Variants in HDAC4 observed in about 807,000 individuals in gnomAD.
HDAC4 encodes the protein histone deacetylase 4, also known as histone deacetylase A.
A neutral mutation model predicts 135.1 loss-of-function variants in HDAC4; 16 were observed. The ratio of observed to expected loss-of-function variants is 0.12; its 90% CI spans 0.08 to 0.18. The LOEUF is 0.18. Ranked by LOEUF, HDAC4 falls within the 10% of genes least tolerant of loss-of-function variation. HDAC4 has a pLI of 1.00. For synonymous variants in HDAC4, 685 were observed against 653.4 expected, an observed-to-expected ratio of 1.05 and a Z score of -0.74; for missense variants, 1,143 against 1,511.8, an observed-to-expected ratio of 0.76 and a Z score of 4.05.
chr2:239,181,376 C>A (rs567634525), intron 4 of HDAC4, among the ~76,000 whole-genome samples: 2 of 152,354 alleles, frequency 1.3e-5, no homozygotes, highest in African/African-American at 4.8e-5. Flanking sequence ...GATGTGTGGG[C>A]ACAGGCAAGG....
rs529905951 is a variant in HDAC4 at position 239,238,227 on chromosome 2, C to T, written c.23-1563G>A. On this transcript the variant is annotated intron_variant, in intron 2 of 26. Transcript: ENST00000543185. ...CCCTAAAAATAAATATATTTGTATT[C>T]ATTTTTATAATAAATAAAAATAAAT... 2.8e-4 allele frequency among the ~76,000 whole-genome samples: 43 copies of T among 152,060 alleles called. 2 individuals carry two copies. The South Asian group carries it at 8.9e-3, about 32-fold the overall frequency.
At chr2:239,208,064 T>C (rs1005404136) in intron 3 of HDAC4, among the ~76,000 whole-genome samples, 1 of 151,898 alleles carries the variant, frequency 6.6e-6, no homozygotes, top group African/African-American at 2.4e-5. Context: ...GGCTCACGCC[T>C]GTAATCCCAG....
intron 2 of HDAC4, among the ~76,000 whole-genome samples, chr2:239,345,883 C>T (rs571574991): frequency 1.3e-5 from 2 of 150,206 alleles, no homozygotes; most frequent in South Asian, 2.2e-4. Flanking sequence ...CACATACACA[C>T]CGTCTAAAAC....
intron 5 of HDAC4, among the ~76,000 whole-genome samples, chr2:239,169,628 C>G (rs3791526): frequency 1.3e-5 from 2 of 152,162 alleles, no homozygotes; most frequent in Non-Finnish European, 1.5e-5. Flanking sequence ...CACTGCCAGC[C>G]GGGTTCCACT....
intron 2 of HDAC4, among the ~76,000 whole-genome samples, chr2:239,270,072 G>A (rs1436130224): frequency 6.6e-6 from 1 of 152,182 alleles, no homozygotes; most frequent in Admixed American, 6.5e-5. Context: ...AGGTCCCAGA[G>A]CCTACTCTCT....
intron 2 of HDAC4, among the ~76,000 whole-genome samples, chr2:239,317,454 A>C (rs191948603): frequency 6.6e-6 from 1 of 152,080 alleles, no homozygotes; most frequent in Non-Finnish European, 1.5e-5. Context: ...GGACAGGGTA[A>C]GTACAGGCGA....
intron 2 of HDAC4, among the ~76,000 whole-genome samples, chr2:239,248,672 C>T (rs1211317536): frequency 6.6e-6 from 1 of 152,168 alleles, no homozygotes; most frequent in Admixed American, 6.5e-5. Flanking sequence ...GGGTTTCATT[C>T]ACAGAAGTAG....
intron 15 of HDAC4, among the ~76,000 whole-genome samples, chr2:239,105,691 T>C (rs1046573011): frequency 1.3e-5 from 2 of 152,164 alleles, no homozygotes; most frequent in Non-Finnish European, 2.9e-5. Flanking sequence ...GGCCCTGCCC[T>C]CGGGCCTGGG....
intron 1 of HDAC4, among the ~76,000 whole-genome samples, chr2:239,393,290 A>G (rs2126114572): frequency 6.6e-6 from 1 of 152,346 alleles, no homozygotes; most frequent in Non-Finnish European, 1.5e-5. Context: ...TGCCTCCACA[A>G]AGTTAGAACA....
At chr2:239,075,664 G>C (rs1454183070) in intron 22 of HDAC4, among the ~76,000 whole-genome samples, 1 of 152,226 alleles carries the variant, frequency 6.6e-6, no homozygotes, top group Non-Finnish European at 1.5e-5. Flanking sequence ...GAAGCCGTGG[G>C]GTGCCACGCA....
intron 2 of HDAC4, among the ~76,000 whole-genome samples, chr2:239,344,748 C>T (rs1692505938): frequency 6.6e-6 from 1 of 152,178 alleles, no homozygotes. Context: ...TTTTTGAAAC[C>T]TTGCCTTTAG....
At chr2:239,394,445 G>A (rs924966841) in intron 1 of HDAC4, among the ~76,000 whole-genome samples, 5 of 152,204 alleles carry the variant, frequency 3.3e-5, no homozygotes, top group African/African-American at 7.2e-5. Context: ...CTCCTCACAC[G>A]CCGGGGCCCT....
upstream of HDAC4, chr2:239,401,154 G>C (rs572744205): frequency 6.6e-6 from 1 of 152,016 alleles, no homozygotes; most frequent in South Asian, 2.1e-4. Context: ...GGTTTCTAAT[G>C]AAGAGCTCGT....
At chr2:239,379,837 GA>G (rs1310699364) in intron 1 of HDAC4, among the ~76,000 whole-genome samples, 1 of 152,234 alleles carries the variant, frequency 6.6e-6, no homozygotes, top group Non-Finnish European at 1.5e-5. Context: ...AGGGTCACAG[GA>G]AACAAAGGAC....
chr2:239,197,557 T>A (rs939143924), intron 3 of HDAC4, among the ~76,000 whole-genome samples: 17 of 152,182 alleles, frequency 1.1e-4, no homozygotes, highest in Middle Eastern at 3.2e-3. Context: ...CTTCTACCCC[T>A]TGAGTAGGAG....
chr2:239,220,279 C>T (rs577181513), intron 3 of HDAC4, among the ~76,000 whole-genome samples: 2 of 152,228 alleles, frequency 1.3e-5, no homozygotes, highest in African/African-American at 2.4e-5. Context: ...CATCACATAT[C>T]GAAAATTGTA....
intron 1 of HDAC4, among the ~76,000 whole-genome samples, chr2:239,370,501 C>G (rs943081081): frequency 6.6e-6 from 1 of 152,206 alleles, no homozygotes; most frequent in Non-Finnish European, 1.5e-5. Flanking sequence ...TCTGGACTCC[C>G]TGCAGCGCCC....
rs190150555 is a variant in HDAC4, at chr2:239,175,857, G to T, written c.490+556C>A. ...AAATGTTTAAATCAAACCAAAAGTC[G>T]GGCTGAATGCCCCTTGCTTTGATGT... On this transcript the variant is annotated intron_variant, in intron 5 of 26. Coordinates refer to ENST00000543185, the MANE Select transcript of HDAC4 (RefSeq NM_001378414.1). Among the ~76,000 whole-genome samples, 11 of 152,192 alleles carry T rather than the reference G, an allele frequency of 7.2e-5. No individual in the cohort carries two copies. In the East Asian group the frequency reaches 2.1e-3, roughly 29 times the overall value.
At chr2:239,140,821 CT>C in intron 8 of HDAC4, 1 of 371,496 alleles carries the variant, frequency 2.7e-6, no homozygotes, top group Non-Finnish European at 5.8e-6. Context: ...GGTCTGCTTG[CT>C]GCCCGCGTCC....
Sources: allele counts gnomAD v4.1 joint callset (sites outside exome capture counted in the v4.1 genomes callset), GRCh38; gene constraint gnomAD v4.1.1; transcripts MANE v1.5; gene names NCBI Gene and HGNC (gene_info 2026-07-23, HGNC 2026-07-21).